The following SH3RF2 variants were observed in gnomAD, a reference collection of about 807,000 sequenced individuals.
SH3RF2 encodes the protein SH3 domain containing ring finger 2.
Under a neutral mutation model 59.0 loss-of-function variants are expected in SH3RF2, and 43 were observed. The observed-to-expected ratio is 0.73, with a 90% CI of 0.57 to 0.94. The LOEUF (loss-of-function observed/expected upper bound fraction) is 0.94, where lower values mean the gene tolerates loss of function less well. Among genes scored for constraint, SH3RF2 ranks in the 40% least tolerant of loss-of-function variants. The pLI is 0.00. For synonymous variants in SH3RF2, 391 were observed against 391.5 expected (o/e 1.00, Z 0.01); for missense variants, 930 against 940.1 (o/e 0.99, Z 0.14).
chr5:146,044,881 T>C (rs1762252552), intron 5 of SH3RF2, among the ~76,000 whole-genome samples: 1 of 152,190 alleles, frequency 6.6e-6, no homozygotes, highest in Non-Finnish European at 1.5e-5. Flanking sequence ...GCCCACAGGT[T>C]ACTGTCCTGG....
chr5:146,013,450 G>C (rs1246299282), intron 4 of SH3RF2, among the ~76,000 whole-genome samples: 1 of 152,176 alleles, frequency 6.6e-6, no homozygotes, highest in Non-Finnish European at 1.5e-5. Flanking sequence ...AATGGGTAAA[G>C]GAAGAATACT....
chr5:146,079,056 T>G (rs1763384367), exon 10 of SH3RF2: 1 of 152,154 alleles, frequency 6.6e-6, no homozygotes, highest in Admixed American at 6.6e-5. Context: ...CGATACCTTC[T>G]GACCCCAGGG....
chr5:145,974,797 A>G (rs1296313064), intron 2 of SH3RF2, among the ~76,000 whole-genome samples: 4 of 152,216 alleles, frequency 2.6e-5, no homozygotes, highest in Admixed American at 2.0e-4. Flanking sequence ...AGGAGGAGAA[A>G]AGGAAAGAGA....
At chr5:145,966,009 G>T (rs1758843071) in intron 2 of SH3RF2, among the ~76,000 whole-genome samples, 1 of 152,188 alleles carries the variant, frequency 6.6e-6, no homozygotes, top group Non-Finnish European at 1.5e-5. Context: ...ACAGTAGCTT[G>T]TGCAGAAGCG....
chr5:146,052,345 C>T (rs774479600), intron 7 of SH3RF2, among the ~76,000 whole-genome samples: 4 of 152,100 alleles, frequency 2.6e-5, no homozygotes, highest in African/African-American at 4.8e-5. Context: ...TGGCCAAGGT[C>T]GGTCTATTGT....
Position 146,047,773 on chromosome 5 carries a change from T to G in SH3RF2, c.1061T>G (p.Val354Gly). Residue 354 changes from valine (V) to glycine (G), a missense_variant and splice_region_variant, in exon 6 of 10, where the codon GTC (valine) becomes GGC (glycine). Val to Gly is a moderately radical substitution (Grantham distance 109). Transcript: ENST00000359120. ...ADVPSSCVGQVSTYHPAPVSP... is the reference protein window; with the variant it reads ...ADVPSSCVGQGSTYHPAPVSP... ...TGGCTGTCTTTTCTGTCTGTGCAGG[T>G]CAGCACTTATCACCCCGCACCTGTC... is the stretch of plus-strand genomic sequence containing the variant. The G allele has an allele frequency of 6.2e-7, 1 of 1,614,004 alleles. No homozygotes were observed. The highest frequency in any genetic ancestry group is 1.1e-5 in the South Asian group (1 of 91,074).
At chr5:145,986,936 G>C (rs1021313695) in intron 2 of SH3RF2, among the ~76,000 whole-genome samples, 4 of 152,186 alleles carry the variant, frequency 2.6e-5, no homozygotes, top group Admixed American at 2.6e-4. Flanking sequence ...ACTGATGAAG[G>C]AGGGACCAGG....
intron 7 of SH3RF2, among the ~76,000 whole-genome samples, chr5:146,049,860 C>T (rs1178874247): frequency 2.0e-5 from 3 of 152,104 alleles, no homozygotes; most frequent in Non-Finnish European, 4.4e-5. Flanking sequence ...TGTCTTACCA[C>T]CTCATACCAC....
At chr5:146,016,418 CATAGATAAATAG>C (rs1561743868) in intron 5 of SH3RF2, among the ~76,000 whole-genome samples, 7 of 150,128 alleles carry the variant, frequency 4.7e-5, no homozygotes, top group Non-Finnish European at 8.9e-5. Context: ...ATGATTGATA[CATAGATAAATAG>C]ATAGATAGAT....
chr5:145,997,255 A>G, intron 2 of SH3RF2: 1 of 931,000 alleles, frequency 1.1e-6, no homozygotes, highest in African/African-American at 1.6e-5. Context: ...AGTCTGATAC[A>G]TGCATCTGTA....
At chr5:145,965,659 A>G (rs1037647025) in intron 2 of SH3RF2, among the ~76,000 whole-genome samples, 1 of 152,218 alleles carries the variant, frequency 6.6e-6, no homozygotes, top group African/African-American at 2.4e-5. Context: ...TTGAAGCATC[A>G]TTCATCCTTT....
chr5:145,975,537 C>G (rs1344980494), intron 2 of SH3RF2, among the ~76,000 whole-genome samples: 1 of 152,222 alleles, frequency 6.6e-6, no homozygotes, highest in African/African-American at 2.4e-5. Flanking sequence ...TAGCTCCCAC[C>G]CCAGCTGTCT....
intron 2 of SH3RF2, among the ~76,000 whole-genome samples, chr5:145,973,827 T>A (rs1486474417): frequency 6.6e-6 from 1 of 152,022 alleles, no homozygotes; most frequent in African/African-American, 2.4e-5. Flanking sequence ...TTGAAAGGGG[T>A]GAGGAAGAAT....
rs181310631 is a variant in SH3RF2, at chr5:146,074,804, G to A, written c.*34-3656G>A. Reference sequence around the variant, plus strand: ...TCTCTCTCTCTCTCTCTCTGTTTCTGTCTCCCCCTCACTCCCCCAACCTTT... The same window carrying A: ...TCTCTCTCTCTCTCTCTCTGTTTCTATCTCCCCCTCACTCCCCCAACCTTT... On this transcript the variant is annotated intron_variant, in intron 9 of 9. Coordinates refer to the SH3RF2 transcript ENST00000511217. 3.8e-4 allele frequency among the ~76,000 whole-genome samples: 57 copies of A among 149,818 alleles called. No individual in the cohort carries two copies. The East Asian group carries it at 0.011, about 29-fold the overall frequency.
At chr5:145,986,004 A>G (rs1410684769) in intron 2 of SH3RF2, among the ~76,000 whole-genome samples, 2 of 49,210 alleles carry the variant, frequency 4.1e-5, no homozygotes, top group Admixed American at 2.9e-4. Flanking sequence ...ACTTGTCTCA[A>G]ATAAATAAAT....
chr5:146,064,776 AAAGGAAGG>A (rs1308778177), downstream of SH3RF2, among the ~76,000 whole-genome samples: 664 of 24,706 alleles, frequency 0.027, 68 homozygotes, highest in Non-Finnish European at 0.035. Context: ...GGAAGGAAGG[AAAGGAAGG>A]AAGGAAGGAA....
chr5:145,964,308 CTTTCT>C (rs1251728303), intron 2 of SH3RF2, among the ~76,000 whole-genome samples: 5 of 122,910 alleles, frequency 4.1e-5, no homozygotes, highest in African/African-American at 9.7e-5. Flanking sequence ...TCCTTCCTTT[CTTTCT>C]TTTTTTTTTT....
intron 9 of SH3RF2, among the ~76,000 whole-genome samples, chr5:146,078,303 C>G (rs1342469168): frequency 6.6e-6 from 1 of 152,238 alleles, no homozygotes; most frequent in Non-Finnish European, 1.5e-5. Flanking sequence ...GAAACAGATA[C>G]TGTGTACCTC....
chr5:146,005,483 T>G (rs1760605979), intron 4 of SH3RF2, among the ~76,000 whole-genome samples: 1 of 152,188 alleles, frequency 6.6e-6, no homozygotes, highest in Non-Finnish European at 1.5e-5. Context: ...AAGCAGGTTC[T>G]GAAATGAATG....
Sources: allele counts gnomAD v4.1 joint callset (sites outside exome capture counted in the v4.1 genomes callset), GRCh38; gene constraint gnomAD v4.1.1; transcripts MANE v1.5; gene names NCBI Gene and HGNC (gene_info 2026-07-23, HGNC 2026-07-21).